WWOX: variants seen among roughly 807,000 people sequenced by gnomAD.
WWOX encodes the protein WW domain-containing oxidoreductase.
WWOX carries 69 observed loss-of-function variants against 46.2 expected under a neutral mutation model. The observed-to-expected ratio is 1.49, with a 90% CI of 1.23 to 1.82. WWOX has a LOEUF of 1.82. WWOX is among the 40% of genes most tolerant of loss of function. The pLI is 0.00. For synonymous variants in WWOX, 359 were observed against 202.6 expected, an observed-to-expected ratio of 1.77 and a Z score of -6.56; for missense variants, 919 against 542.6, an observed-to-expected ratio of 1.69 and a Z score of -6.89.
intron 3 of WWOX, among the ~76,000 whole-genome samples, chr16:78,113,032 A>G (rs576532328): frequency 6.6e-6 from 1 of 152,290 alleles, no homozygotes; most frequent in South Asian, 2.1e-4. Context: ...TTATGTAGTC[A>G]AATCAATTTT....
intron 8 of WWOX, among the ~76,000 whole-genome samples, chr16:78,544,780 T>TAGG (rs1192262994): frequency 6.6e-6 from 1 of 151,882 alleles, no homozygotes; most frequent in Admixed American, 6.6e-5. Flanking sequence ...GAGACTGCGG[T>TAGG]AGGGGGATCA....
Position 78,553,804 on chromosome 16 carries a change from C to T in WWOX, c.1056+121052C>T, listed in dbSNP as rs376709259. 9.2e-5 allele frequency among the ~76,000 whole-genome samples: 14 copies of T among 151,926 alleles called. No homozygotes were observed. The East Asian group carries it at 2.7e-3, about 30-fold the overall frequency. ...AGTGTGGCCCTGCAGGTCCTGCAGA[C>T]CCCCCTGGTGGCAGTATTGGTGGTC... On this transcript the variant is annotated intron_variant, in intron 8 of 8. Transcript: ENST00000566780.
At chr16:78,674,269 C>G (rs997494564) in intron 8 of WWOX, among the ~76,000 whole-genome samples, 1 of 145,998 alleles carries the variant, frequency 6.8e-6, no homozygotes, top group Non-Finnish European at 1.5e-5. Context: ...CTCGTTCCAA[C>G]CAGTTCATCT....
intron 8 of WWOX, among the ~76,000 whole-genome samples, chr16:78,744,866 C>A (rs1023612598): frequency 6.6e-6 from 1 of 152,158 alleles, no homozygotes; most frequent in Non-Finnish European, 1.5e-5. Flanking sequence ...ATTGGGTAAG[C>A]AAAGAAGAGC....
At chr16:78,406,480 G>A (rs1236449926) in intron 6 of WWOX, among the ~76,000 whole-genome samples, 1 of 150,354 alleles carries the variant, frequency 6.7e-6, no homozygotes, top group African/African-American at 2.4e-5. Flanking sequence ...AGCCTCCTGA[G>A]TAGCTGGGAC....
chr16:78,873,322 C>T (rs1478983579), intron 8 of WWOX: 2 of 152,300 alleles, frequency 1.3e-5, no homozygotes, highest in East Asian at 1.9e-4. Flanking sequence ...AAGGGACTAG[C>T]TCCTATTATC....
At chr16:78,869,366 C>G (rs934013431) in intron 8 of WWOX, among the ~76,000 whole-genome samples, 21 of 152,126 alleles carry the variant, frequency 1.4e-4, no homozygotes, top group African/African-American at 4.3e-4. Context: ...CAGACTGCAA[C>G]CTGTTTTTCC....
intron 8 of WWOX, among the ~76,000 whole-genome samples, chr16:78,596,294 G>T (rs1199061456): frequency 1.3e-5 from 2 of 152,154 alleles, no homozygotes; most frequent in African/African-American, 2.4e-5. Flanking sequence ...TTGAGATCCT[G>T]TCTGGCTGGG....
intron 8 of WWOX, chr16:78,896,244 A>T (rs1281127308): frequency 6.6e-6 from 1 of 152,142 alleles, no homozygotes; most frequent in African/African-American, 2.4e-5. Flanking sequence ...AAAGTCACCA[A>T]GTTGTTTCCA....
At chr16:78,823,626 C>T (rs920415366) in intron 8 of WWOX, among the ~76,000 whole-genome samples, 2 of 152,112 alleles carry the variant, frequency 1.3e-5, no homozygotes, top group Non-Finnish European at 2.9e-5. Flanking sequence ...CAGACCCAGT[C>T]ACTGGTGTCA....
chr16:78,578,373 T>C (rs1271372294), intron 8 of WWOX, among the ~76,000 whole-genome samples: 1 of 138,720 alleles, frequency 7.2e-6, no homozygotes, highest in Non-Finnish European at 1.5e-5. Context: ...CACTGCAAGC[T>C]CCGCCTCCCG....
intron 4 of WWOX, among the ~76,000 whole-genome samples, chr16:78,121,110 A>G (rs755489988): frequency 6.6e-6 from 1 of 152,142 alleles, no homozygotes; most frequent in East Asian, 1.9e-4. Flanking sequence ...GAAATGCCTG[A>G]TTAGTTTCCT....
rs1455454918 is a variant in WWOX, at chr16:78,548,180, T to TCAAC, written c.1056+115428_1056+115429insCAAC. 5.3e-3 allele frequency among the ~76,000 whole-genome samples: 91 copies of TCAAC among 17,226 alleles called. 9 individuals carry two copies. Among genetic ancestry groups the TCAAC allele is most frequent in the East Asian group, 0.016 (4 of 252 alleles). The allele number at this position is 17,226 out of a possible 152,430, so 11.3% of individuals were successfully genotyped here. ...AAAAAAAAAAAAAAAAAAAAAAAAT[T>TCAAC]ACGAATTTTGCGAGGACGCAAACAT... On this transcript the variant is annotated intron_variant, in intron 8 of 8. Transcript: ENST00000566780.
chr16:78,366,899 A>T (rs1319942487), intron 5 of WWOX, among the ~76,000 whole-genome samples: 1 of 151,222 alleles, frequency 6.6e-6, no homozygotes, highest in African/African-American at 2.4e-5. Flanking sequence ...CTTAATCCAA[A>T]GCCTGGGGGG....
intron 8 of WWOX, among the ~76,000 whole-genome samples, chr16:79,114,696 A>G (rs1337277682): frequency 2.0e-5 from 3 of 152,136 alleles, no homozygotes; most frequent in Admixed American, 2.0e-4. Context: ...GCACTTTGTT[A>G]TGGCAGCCCC....
At chr16:78,914,736 G>A (rs1034371112) in intron 8 of WWOX, among the ~76,000 whole-genome samples, 4 of 150,068 alleles carry the variant, frequency 2.7e-5, no homozygotes, top group Non-Finnish European at 4.5e-5. Context: ...AAAATTAACT[G>A]GGCATGCTGG....
intron 8 of WWOX, among the ~76,000 whole-genome samples, chr16:78,440,254 C>T (rs555063260): frequency 3.3e-5 from 5 of 152,274 alleles, no homozygotes; most frequent in African/African-American, 9.6e-5. Context: ...TGAAAGGCAT[C>T]TAGTCTTCCC....
At chr16:79,022,210 C>T (rs897852077) in intron 8 of WWOX, among the ~76,000 whole-genome samples, 2 of 152,120 alleles carry the variant, frequency 1.3e-5, no homozygotes, top group African/African-American at 4.8e-5. Flanking sequence ...GGGGATGGAG[C>T]TTTAGGCTGG....
intron 5 of WWOX, among the ~76,000 whole-genome samples, chr16:78,295,023 C>G (rs1422737451): frequency 1.3e-5 from 2 of 152,124 alleles, no homozygotes; most frequent in Non-Finnish European, 2.9e-5. Flanking sequence ...CTGGGTTGTC[C>G]CCTGCCCAGG....
Sources: allele counts gnomAD v4.1 joint callset (sites outside exome capture counted in the v4.1 genomes callset), GRCh38; gene constraint gnomAD v4.1.1; transcripts MANE v1.5; gene names NCBI Gene and HGNC (gene_info 2026-07-23, HGNC 2026-07-21).